Variants in CACNB2 observed in about 807,000 individuals in gnomAD.
CACNB2 encodes calcium voltage-gated channel auxiliary subunit beta 2.
In CACNB2, 42 loss-of-function variants were observed where a neutral mutation model predicts 73.3. That is an observed-to-expected ratio of 0.57 (90% CI 0.45 to 0.74). The LOEUF is 0.74. CACNB2 is among the 30% of genes least tolerant of loss of function. The pLI is 0.00. For synonymous variants in CACNB2, 348 were observed against 310.3 expected (o/e 1.12, Z -1.28); for missense variants, 940 against 853.0 (o/e 1.10, Z -1.27).
At chr10:18,520,261 T>G (rs1287594625) in intron 9 of CACNB2, among the ~76,000 whole-genome samples, 3 of 152,360 alleles carry the variant, frequency 2.0e-5, no homozygotes, top group Middle Eastern at 3.4e-3. Flanking sequence ...TCTCAATTAA[T>G]AGCTTCTTCG....
At chr10:18,340,930 C>A (rs1403837395) in intron 2 of CACNB2, 1 of 1,614,014 alleles carries the variant, frequency 6.2e-7, no homozygotes, top group African/African-American at 1.3e-5. Flanking sequence ...GTCTAGCATG[C>A]TTGACAGACG....
intron 2 of CACNB2, among the ~76,000 whole-genome samples, chr10:18,315,498 TTAAAAAA>T (rs2040133894): frequency 3.1e-5 from 1 of 31,796 alleles, no homozygotes; most frequent in Non-Finnish European, 6.8e-5. Context: ...TTGTCTCTAT[TTAAAAAA>T]AAAAAAAAAA....
intron 2 of CACNB2, among the ~76,000 whole-genome samples, chr10:18,331,107 T>G (rs2040785489): frequency 6.6e-6 from 1 of 152,038 alleles, no homozygotes; most frequent in African/African-American, 2.4e-5. Context: ...CGCCTCAGCC[T>G]CCTGAGTAGC....
intron 2 of CACNB2, among the ~76,000 whole-genome samples, chr10:18,272,861 C>A (rs1255968461): frequency 6.6e-6 from 1 of 152,140 alleles, no homozygotes; most frequent in Non-Finnish European, 1.5e-5. Flanking sequence ...TTAGAATGGA[C>A]TAATACAGCT....
At chr10:18,270,713 CTCGGT>C (rs2038015771) in intron 2 of CACNB2, among the ~76,000 whole-genome samples, 1 of 152,142 alleles carries the variant, frequency 6.6e-6, no homozygotes, top group African/African-American at 2.4e-5. Flanking sequence ...GTTCCCTGGT[CTCGGT>C]TAGGTATCCT....
intron 12 of CACNB2, among the ~76,000 whole-genome samples, chr10:18,536,769 A>T (rs948877518): frequency 9.2e-5 from 14 of 152,186 alleles, no homozygotes; most frequent in Non-Finnish European, 1.6e-4. Context: ...AATATCCAAC[A>T]CAAGATCCTG....
chr10:18,405,040 A>G (rs972920740), intron 3 of CACNB2, among the ~76,000 whole-genome samples: 2 of 152,230 alleles, frequency 1.3e-5, no homozygotes, highest in African/African-American at 4.8e-5. Context: ...AGTTTGTGCT[A>G]TCTGATATTA....
intron 9 of CACNB2, among the ~76,000 whole-genome samples, chr10:18,527,362 G>A (rs1303649360): frequency 1.3e-5 from 2 of 151,854 alleles, no homozygotes; most frequent in African/African-American, 4.8e-5. Flanking sequence ...GGCAGCCTGG[G>A]CGAGACTCTG....
At chr10:18,496,175 G>A (rs1322935230) in intron 3 of CACNB2, among the ~76,000 whole-genome samples, 3 of 109,270 alleles carry the variant, frequency 2.7e-5, no homozygotes, top group African/African-American at 1.2e-4. Context: ...ATCACAGTGA[G>A]ACTCAGTCTC....
At chr10:18,257,847 A>G (rs1251471685) in intron 2 of CACNB2, among the ~76,000 whole-genome samples, 1 of 152,080 alleles carries the variant, frequency 6.6e-6, no homozygotes, top group Non-Finnish European at 1.5e-5. Flanking sequence ...AGGTTCAAGC[A>G]ATTCTCCTTC....
chr10:18,358,928 T>C (rs1242190111), intron 2 of CACNB2, among the ~76,000 whole-genome samples: 2 of 152,204 alleles, frequency 1.3e-5, no homozygotes, highest in African/African-American at 4.8e-5. Context: ...TATGGCCATA[T>C]TAGAAAAACT....
At chr10:18,503,576 ACT>A (rs1292542214) in intron 5 of CACNB2, among the ~76,000 whole-genome samples, 3 of 152,184 alleles carry the variant, frequency 2.0e-5, no homozygotes, top group South Asian at 4.2e-4. Flanking sequence ...CGTCAGTGAA[ACT>A]CTGTCTGAAA....
chr10:18,466,253 T>G (rs2047877770), intron 3 of CACNB2, among the ~76,000 whole-genome samples: 1 of 152,144 alleles, frequency 6.6e-6, no homozygotes, highest in Non-Finnish European at 1.5e-5. Flanking sequence ...TTTTTATTTT[T>G]TAGAGACAGT....
chr10:18,415,458 C>G (rs1264934035), intron 3 of CACNB2, among the ~76,000 whole-genome samples: 2 of 125,172 alleles, frequency 1.6e-5, no homozygotes, highest in African/African-American at 6.3e-5. Context: ...ACAGAAAGAC[C>G]TTGTCTCTTA....
intron 3 of CACNB2, among the ~76,000 whole-genome samples, chr10:18,404,440 A>G (rs1304164720): frequency 6.6e-6 from 1 of 152,210 alleles, no homozygotes; most frequent in Non-Finnish European, 1.5e-5. Context: ...AATGAAACCT[A>G]CTTCAAAATG....
In CACNB2 at chr10:18,401,943, C is replaced by T; in HGVS notation, c.233C>T (p.Thr78Ile). 1 of 1,614,028 alleles carries T rather than the reference C, an allele frequency of 6.2e-7. No individual in the cohort carries two copies. Among genetic ancestry groups the T allele is most frequent in the Non-Finnish European group, 8.5e-7 (1 of 1,179,868 alleles). Reference sequence around the variant, plus strand: ...CTCCAGGGTTCGGCAGACTCCTACACTAGCCGTCCATCCGATTCCGATGTA... The same window carrying T: ...CTCCAGGGTTCGGCAGACTCCTACATTAGCCGTCCATCCGATTCCGATGTA... ...FVRQGSADSY[T>I]SRPSDSDVSL... Residue 78 changes from threonine (T) to isoleucine (I), a missense_variant, in exon 3 of 14, where the codon ACT becomes ATT. Transcript: ENST00000324631.
At chr10:18,166,507 T>C (rs574018547) in intron 2 of CACNB2, among the ~76,000 whole-genome samples, 1 of 152,360 alleles carries the variant, frequency 6.6e-6, no homozygotes, top group East Asian at 1.9e-4. Context: ...ATTACAGGCG[T>C]GAGCCACCGC....
intron 3 of CACNB2, among the ~76,000 whole-genome samples, chr10:18,486,062 A>G (rs1017256029): frequency 6.6e-6 from 1 of 152,180 alleles, no homozygotes; most frequent in Non-Finnish European, 1.5e-5. Context: ...ATTGAAAACC[A>G]TACTTTGCTA....
At chr10:18,161,682 T>C (rs940878038) in intron 2 of CACNB2, among the ~76,000 whole-genome samples, 7 of 151,840 alleles carry the variant, frequency 4.6e-5, no homozygotes, top group African/African-American at 7.3e-5. Context: ...ACAAGCAAAT[T>C]TGAGGCCCAG....
Sources: gnomAD v4.1 joint callset for allele counts (sites outside exome capture counted in the v4.1 genomes callset) on GRCh38, gnomAD v4.1.1 for gene constraint, MANE v1.5 for transcripts, NCBI Gene and HGNC (gene_info 2026-07-23, HGNC 2026-07-21) for gene names.